The following VIRMA variants were observed in gnomAD, a reference collection of about 807,000 sequenced individuals.
The protein encoded by VIRMA is vir like m6A methyltransferase associated, also known as protein virilizer homolog.
VIRMA carries 65 observed loss-of-function variants against 182.4 expected under a neutral mutation model. The ratio of observed to expected loss-of-function variants is 0.36; its 90% CI spans 0.29 to 0.44. VIRMA has a LOEUF of 0.44. Ranked by LOEUF, VIRMA falls within the 20% of genes least tolerant of loss-of-function variation. The pLI, the probability that VIRMA is intolerant of heterozygous loss-of-function variation, is 1.00. For missense variants in VIRMA, 1,752 were observed against 2,158.1 expected (o/e 0.81, Z 3.73); for synonymous variants, 709 against 743.1 (o/e 0.95, Z 0.75).
intron 8 of VIRMA, among the ~76,000 whole-genome samples, chr8:94,522,106 G>A (rs918179501): frequency 6.6e-6 from 1 of 152,162 alleles, no homozygotes; most frequent in African/African-American, 2.4e-5. Context: ...TAGGCAGTGA[G>A]TGCCTACATG....
rs1237055770 is a variant in VIRMA at position 94,527,372 on chromosome 8, T to C, written c.881-9A>G. 2 of 1,495,278 alleles carry C rather than the reference T, an allele frequency of 1.3e-6. No homozygotes were observed. Among genetic ancestry groups the C allele is most frequent in the East Asian group, 2.3e-5 (1 of 43,802 alleles). The allele number at this position is 1,495,278 out of a possible 1,614,324, so 92.6% of individuals were successfully genotyped here. A position where few individuals can be genotyped will look rare whatever the true frequency, so the allele number is the denominator to read the frequency against. ...TTCATAACCATCATCCCCTGAAAAT[T>C]AGTATGAATAATATTTAAGTATTAC... On this transcript the variant is annotated splice_polypyrimidine_tract_variant and intron_variant, in intron 7 of 23. Transcript: ENST00000297591.
In VIRMA at chr8:94,499,490, T is replaced by A; in HGVS notation, c.4114A>T (p.Ser1372Cys). 6.5e-7 allele frequency: 1 copy of A among 1,546,684 alleles called. No individual in the cohort carries two copies. Among genetic ancestry groups the A allele is most frequent in the Non-Finnish European group, 8.9e-7 (1 of 1,124,844 alleles). ...FHLKSSLRKN[S>C]SALHSLLKRV... ...TTCAGTAAACTATGCAGAGCACTACTGTTTTTCCTTAAAGAACTGTAAATA... is the reference window on the plus strand; with the variant it reads ...TTCAGTAAACTATGCAGAGCACTACAGTTTTTCCTTAAAGAACTGTAAATA... Residue 1372 changes from serine to cysteine, a missense_variant, in exon 17 of 24, where the codon AGT (serine) becomes TGT (cysteine). Transcript: ENST00000297591.
intron 10 of VIRMA, among the ~76,000 whole-genome samples, chr8:94,516,586 G>A (rs975175544): frequency 5.3e-5 from 8 of 152,016 alleles, no homozygotes; most frequent in African/African-American, 1.7e-4. Flanking sequence ...AATTACAGCT[G>A]TACAATTTTC....
chr8:94,550,812 G>A (rs925135880), intron 1 of VIRMA, among the ~76,000 whole-genome samples: 8 of 151,906 alleles, frequency 5.3e-5, no homozygotes, highest in Middle Eastern at 3.2e-3. Context: ...TCCTCCTCCC[G>A]GGTGCTAGCA....
At chr8:94,507,885 G>GTATATATATGTATATATGTA (rs1814216146) in intron 15 of VIRMA, among the ~76,000 whole-genome samples, 1 of 131,314 alleles carries the variant, frequency 7.6e-6, no homozygotes, top group Non-Finnish European at 1.7e-5. Context: ...ATATATACAT[G>GTATATATATGTATATATGTA]TATATATGTA....
chr8:94,493,069 C>T lies in VIRMA; in HGVS notation c.4642-251G>A, dbSNP rs1229580698. Reference sequence around the variant, plus strand: ...AAGCAGGGCTATTAATCTAGGAGAACTTTGATGCCTGAGCAGGAAACTCAG... The same window carrying T: ...AAGCAGGGCTATTAATCTAGGAGAATTTTGATGCCTGAGCAGGAAACTCAG... On this transcript the variant is annotated intron_variant, in intron 20 of 23. Transcript: ENST00000297591. Among the ~76,000 whole-genome samples, 9 of 152,082 alleles carry T rather than the reference C, an allele frequency of 5.9e-5. No homozygotes were observed. In the East Asian group the frequency reaches 1.7e-3, roughly 29 times the overall value.
At chr8:94,534,702 T>A in intron 5 of VIRMA, 137 bp downstream of exon 5, 18 of 741,530 alleles carry the variant, frequency 2.4e-5, no homozygotes, top group East Asian at 4.0e-5. Context: ...CCTCCCTCCC[T>A]CTCTCCCCCT....
intron 5 of VIRMA, 50 bp downstream of exon 5, chr8:94,534,789 T>TTA: frequency 6.4e-7 from 1 of 1,572,042 alleles, no homozygotes; most frequent in Non-Finnish European, 8.6e-7. Context: ...TTTTTTTTTT[T>TTA]AAACCACGGA....
In VIRMA at chr8:94,527,121, T is replaced by C. The variant is rs1814999401; in HGVS notation, c.1123A>G (p.Asn375Asp). Residue 375 changes from asparagine to aspartate, a missense_variant, in exon 8 of 24, where the codon AAT becomes GAT. By Grantham distance (23) the Asn-to-Asp change is conservative. Transcript: ENST00000297591. Reference sequence around the variant, plus strand: ...ACTGAGGCTTCGATTGCCCCTGAATTTTCTTTATCTGGACCTTGATCCTTC... The same window carrying C: ...ACTGAGGCTTCGATTGCCCCTGAATCTTCTTTATCTGGACCTTGATCCTTC... ...RMKDQGPDKE[N>D]SGAIEASVKL... The C allele has an allele frequency of 6.2e-7, 1 of 1,614,080 alleles. No homozygotes were observed. The highest frequency in any genetic ancestry group is 8.5e-7 in the Non-Finnish European group (1 of 1,180,048).
chr8:94,513,240 A>G (rs944308955), intron 11 of VIRMA, among the ~76,000 whole-genome samples: 1 of 152,154 alleles, frequency 6.6e-6, no homozygotes, highest in Non-Finnish European at 1.5e-5. Flanking sequence ...TGGGAGGCTG[A>G]GGCAGGGAAT....
At chr8:94,496,193 C>T in intron 18 of VIRMA, 135 bp downstream of exon 18, 2 of 765,636 alleles carry the variant, frequency 2.6e-6, no homozygotes, top group Middle Eastern at 3.8e-4. Flanking sequence ...ATTATTAATT[C>T]AAAGAGTTAT....
intron 12 of VIRMA, 57 bp downstream of exon 12, chr8:94,511,939 A>G: frequency 1.1e-6 from 1 of 934,638 alleles, no homozygotes; most frequent in South Asian, 3.0e-5. Flanking sequence ...TATTTAATAA[A>G]TGATATTTAT....
Position 94,531,017 on chromosome 8 carries a change from G to A in VIRMA, c.553C>T (p.Pro185Ser), listed in dbSNP as rs1335046687. The part of the protein sequence containing the change: ...PRPQPRGPRT[P>S]PGPPPPDDDE... The stretch of plus-strand genomic sequence containing the variant: ...TCATCAGGTGGAGGGGGTCCTGGAG[G>A]AGTTCTTGGTCCCCTTGGCTGTGGT... Residue 185 changes from proline to serine, a missense_variant, in exon 6 of 24, where the codon CCT (proline) becomes TCT (serine). This residue lies in a region of VIRMA where 17 missense variants were observed against 37.8 expected (regional missense o/e 0.45). Transcript: ENST00000297591. 1 of 1,604,298 alleles carries A rather than the reference G, an allele frequency of 6.2e-7. No individual in the cohort carries two copies. The highest frequency in any genetic ancestry group is 8.5e-7 in the Non-Finnish European group (1 of 1,175,648).
At chr8:94,503,861 T>TA (rs1200516062) in intron 16 of VIRMA, among the ~76,000 whole-genome samples, 2 of 149,454 alleles carry the variant, frequency 1.3e-5, no homozygotes, top group Non-Finnish European at 3.0e-5. Flanking sequence ...CCTGTTAATT[T>TA]AAAAAAACCA....
intron 5 of VIRMA, chr8:94,534,122 T>C (rs1386183819): frequency 6.6e-6 from 1 of 152,230 alleles, no homozygotes; most frequent in African/African-American, 2.4e-5. Context: ...AGAAAGCCAC[T>C]GAAGTTCTTA....
chr8:94,506,812 C>T (rs1456578270), intron 15 of VIRMA, 95 bp from the exon 16 acceptor site: 1 of 678,792 alleles, frequency 1.5e-6, no homozygotes, highest in Non-Finnish European at 2.5e-6. Context: ...TATTCAATAA[C>T]TATCTCATTA....
intron 17 of VIRMA, chr8:94,497,174 A>G (rs1308891812): frequency 6.6e-6 from 1 of 152,224 alleles, no homozygotes; most frequent in Admixed American, 6.5e-5. Context: ...ATCATAGCTC[A>G]CTGCAGCCTT....
At chr8:94,507,664 G>C (rs1298159358) in intron 15 of VIRMA, among the ~76,000 whole-genome samples, 1 of 151,850 alleles carries the variant, frequency 6.6e-6, no homozygotes, top group Non-Finnish European at 1.5e-5. Context: ...TGAGGCAGAA[G>C]AATCACTTGA....
At chr8:94,509,525 GAA>G (rs945863298) in intron 15 of VIRMA, among the ~76,000 whole-genome samples, 161 bp downstream of exon 15, 7 of 151,916 alleles carry the variant, frequency 4.6e-5, no homozygotes, top group Admixed American at 1.3e-4. Flanking sequence ...ATAAAGGAAA[GAA>G]AAAAGCTCTT....
Sources: allele counts gnomAD v4.1 joint callset (sites outside exome capture counted in the v4.1 genomes callset), GRCh38; gene constraint gnomAD v4.1.1; regional missense constraint gnomAD v4.1.1; transcripts MANE v1.5; gene names NCBI Gene and HGNC (gene_info 2026-07-23, HGNC 2026-07-21).